Variants in PRDM9 observed in about 807,000 individuals in gnomAD.
The protein encoded by PRDM9 is histone-lysine N-methyltransferase PRDM9.
A neutral mutation model predicts 55.6 loss-of-function variants in PRDM9; 47 were observed. That is an observed-to-expected ratio of 0.85 (90% CI 0.67 to 1.08). The LOEUF (loss-of-function observed/expected upper bound fraction) is 1.08. Ranked by LOEUF, PRDM9 falls within the 50% of genes least tolerant of loss-of-function variation. The pLI, the probability that PRDM9 is intolerant of heterozygous loss-of-function variation, is 0.00. For missense variants in PRDM9, 867 were observed against 1,040.3 expected, an observed-to-expected ratio of 0.83 and a Z score of 2.29; for synonymous variants, 312 against 375.7, an observed-to-expected ratio of 0.83 and a Z score of 1.96.
chr5:23,525,458 T>C (rs1363197770), intron 10 of PRDM9, among the ~76,000 whole-genome samples: 4 of 152,178 alleles, frequency 2.6e-5, no homozygotes, highest in African/African-American at 9.7e-5. Flanking sequence ...AATGAATACT[T>C]GATGGGCAGC....
Position 23,521,086 on chromosome 5 carries a change from T to G in PRDM9, c.415T>G (p.Leu139Val). The stretch of plus-strand genomic sequence containing the variant: ...GAAAGAATTGTCAAGAACAGCAAAT[T>G]TACTGAATGCAAGTGGCTCAGAGCA... ...SLKELSRTAN[L>V]LNASGSEQAQ... Residue 139 changes from leucine (L) to valine (V), a missense_variant, in exon 6 of 11, where the codon TTA becomes GTA. By Grantham distance (32) the Leu-to-Val change is conservative. Coordinates refer to ENST00000296682, the MANE Select transcript of PRDM9 (RefSeq NM_020227.4). 1.9e-6 allele frequency: 3 copies of G among 1,614,154 alleles called. No individual in the cohort carries two copies. Among genetic ancestry groups the G allele is most frequent in the Non-Finnish European group, 2.5e-6 (3 of 1,180,024 alleles).
At chr5:23,516,215 GT>G (rs1273494887) in intron 4 of PRDM9, among the ~76,000 whole-genome samples, 3 of 152,018 alleles carry the variant, frequency 2.0e-5, no homozygotes, top group Non-Finnish European at 4.4e-5. Flanking sequence ...TAGTGTTCAA[GT>G]TTTTTGCCTC....
At position 23,509,076 on chromosome 5, in the gene PRDM9, A is replaced by G; in HGVS notation, c.43A>G (p.Thr15Ala). The G allele has an allele frequency of 6.2e-7, 1 of 1,614,122 alleles. No individual in the cohort carries two copies. Among genetic ancestry groups the G allele is most frequent in the Non-Finnish European group, 8.5e-7 (1 of 1,179,992 alleles). ...CCAAGAGGAGAGCCCAGAAGAAGAC[A>G]CAGAGAGAACAGAGCGGAAGCCCAT... ...KSQEESPEED[T>A]ERTERKPMVK... is the part of the protein sequence containing the mutation. The change falls in exon 2 of 11, where the codon ACA becomes GCA. Residue 15 changes from threonine (T) to alanine (A), a missense_variant. Thr to Ala is a moderately conservative substitution (Grantham distance 58). Transcript: ENST00000296682.
chr5:23,518,713 GATTTC>G lies in PRDM9; in HGVS notation c.351+785_351+789del, dbSNP rs1055391700. On this transcript the variant is annotated intron_variant, in intron 5 of 10. Transcript: ENST00000296682. ...AGTAAAAATATATTCTTCTGGAACT[GATTTC>G]AAATTCTCATTCCTACAGAAGGCAG... 3.3e-5 allele frequency among the ~76,000 whole-genome samples: 5 copies of G among 152,324 alleles called. No individual in the cohort carries two copies. In the East Asian group the frequency reaches 9.7e-4, roughly 29 times the overall value.
chr5:23,516,737 T>TA (rs1478189525), intron 4 of PRDM9, among the ~76,000 whole-genome samples: 17 of 148,434 alleles, frequency 1.1e-4, no homozygotes, highest in Non-Finnish European at 2.1e-4. Context: ...TTTTTTTTTT[T>TA]AAGATGGGGT....
intron 4 of PRDM9, among the ~76,000 whole-genome samples, chr5:23,512,232 G>A (rs1260131804): frequency 6.6e-6 from 1 of 152,228 alleles, no homozygotes; most frequent in Admixed American, 6.5e-5. Context: ...TGAGAGAGCT[G>A]TTTAGTTTCC....
At chr5:23,522,441 G>A in intron 7 of PRDM9, 36 bp downstream of exon 7, 1 of 1,592,680 alleles carries the variant, frequency 6.3e-7, no homozygotes, top group East Asian at 2.2e-5. Context: ...ACAGCTTGCT[G>A]TTATGTCCTG....
At chr5:23,524,687 C>A (rs1260027749) in intron 10 of PRDM9, among the ~76,000 whole-genome samples, 160 bp downstream of exon 10, 1 of 152,142 alleles carries the variant, frequency 6.6e-6, no homozygotes, top group African/African-American at 2.4e-5. Flanking sequence ...TATACCTTTG[C>A]CTCTTTGGAA....
In PRDM9 at chr5:23,522,858, G is replaced by T; in HGVS notation, c.855G>T (p.Glu285Asp). The change falls in exon 8 of 11, where the codon GAG (glutamate) becomes GAT (aspartate). Residue 285 changes from glutamate to aspartate, a missense_variant. Physicochemically the swap from Glu to Asp is conservative, Grantham distance 45. Coordinates refer to ENST00000296682, the MANE Select transcript of PRDM9 (RefSeq NM_020227.4). The stretch of plus-strand genomic sequence containing the variant: ...AGGGCCGAATTACAGAAGACGAAGA[G>T]GCAGCCAACAATGGATACTCCTGGC... Reference protein sequence around the residue: ...PYEGRITEDEEAANNGYSWLI... With the variant: ...PYEGRITEDEDAANNGYSWLI... 1 of 1,614,266 alleles carries T rather than the reference G, an allele frequency of 6.2e-7. No individual in the cohort carries two copies. Among genetic ancestry groups the T allele is most frequent in the Non-Finnish European group, 8.5e-7 (1 of 1,180,048 alleles).
Position 23,522,634 on chromosome 5 carries a change from T to G in PRDM9, c.631T>G (p.Phe211Val). Residue 211 changes from phenylalanine to valine, a missense_variant, in exon 8 of 11, where the codon TTC becomes GTC. Transcript: ENST00000296682. ...TCCAGATTGTGAGATGTGTCAGAACTTCTTCATTGACAGCTGTGCTGCCCA... is the reference window on the plus strand; with the variant it reads ...TCCAGATTGTGAGATGTGTCAGAACGTCTTCATTGACAGCTGTGCTGCCCA... ...DYLYCEMCQNFFIDSCAAHGP... is the reference protein window; with the variant it reads ...DYLYCEMCQNVFIDSCAAHGP... 6.2e-7 allele frequency: 1 copy of G among 1,614,250 alleles called. No homozygotes were observed. Among genetic ancestry groups the G allele is most frequent in the Non-Finnish European group, 8.5e-7 (1 of 1,180,044 alleles).
At chr5:23,509,689 A>G in intron 3 of PRDM9, 96 bp downstream of exon 3, 1 of 1,594,646 alleles carries the variant, frequency 6.3e-7, no homozygotes, top group Non-Finnish European at 8.6e-7. Flanking sequence ...GCATCTGCCC[A>G]CAATTCCCTT....
intron 9 of PRDM9, among the ~76,000 whole-genome samples, chr5:23,524,072 C>A (rs570198339): frequency 6.6e-6 from 1 of 152,192 alleles, no homozygotes; most frequent in South Asian, 2.1e-4. Flanking sequence ...GGAGGTAAGT[C>A]TGGAGTTGGG....
rs757338979 is a variant in PRDM9, at chr5:23,509,154, A to G, written c.69+52A>G. The G allele has an allele frequency of 1.9e-6, 3 of 1,604,214 alleles. No homozygotes were observed. The East Asian group carries it at 6.7e-5, about 36-fold the overall frequency. The stretch of plus-strand genomic sequence containing the variant: ...ACTCCTAGCAGGAGCTGATCTCTGG[A>G]GTGCTGCAGACTCCTGGCCTGTACC... On this transcript the variant is annotated intron_variant, in intron 2 of 10. Transcript: ENST00000296682.
chr5:23,512,615 T>C (rs963392821), intron 4 of PRDM9, among the ~76,000 whole-genome samples: 3 of 152,202 alleles, frequency 2.0e-5, no homozygotes, highest in Non-Finnish European at 4.4e-5. Context: ...TTTAAGTTAA[T>C]TTATTTTTTA....
Position 23,517,384 on chromosome 5 carries a change from A to G in PRDM9, c.302-497A>G, listed in dbSNP as rs896300466. On this transcript the variant is annotated intron_variant, in intron 4 of 10. Coordinates refer to ENST00000296682, the MANE Select transcript of PRDM9 (RefSeq NM_020227.4). Reference sequence around the variant, plus strand: ...CTTAAGAAAATTAGCAATGCCTTTAATAGAAACATAGGCCTTAATGATACT... The same window carrying G: ...CTTAAGAAAATTAGCAATGCCTTTAGTAGAAACATAGGCCTTAATGATACT... Among the ~76,000 whole-genome samples, 5 of 152,244 alleles carry G rather than the reference A, an allele frequency of 3.3e-5. 1 individual carries two copies. The highest frequency in any genetic ancestry group is 3.3e-4 in the Admixed American group (5 of 15,286).
Position 23,527,801 on chromosome 5 carries a change from T to C in PRDM9, c.*28T>C, listed in dbSNP as rs753462056. The C allele has an allele frequency of 6.2e-7, 1 of 1,613,662 alleles. No individual in the cohort carries two copies. The highest frequency in any genetic ancestry group is 2.2e-5 in the East Asian group (1 of 44,848). ...CATTAGTAATAAAACCTCATCTCAA[T>C]AGCCACAAAAAGACAAATGTGGTCA... On this transcript the variant is annotated 3_prime_UTR_variant, in exon 11 of 11. Transcript: ENST00000296682.
chr5:23,520,449 C>CAAG (rs1739308000), intron 5 of PRDM9, among the ~76,000 whole-genome samples: 1 of 149,146 alleles, frequency 6.7e-6, no homozygotes, highest in Non-Finnish European at 1.5e-5. Context: ...CACCCTTATT[C>CAAG]AAGCAGACAA....
rs771435165 is a variant in PRDM9, at chr5:23,509,452, A to G, written c.70-18A>G. On this transcript the variant is annotated intron_variant, in intron 2 of 10. Coordinates refer to ENST00000296682, the MANE Select transcript of PRDM9 (RefSeq NM_020227.4). ...TGTGTACTAGTAAATCACTGATGGA[A>G]TCTGTTACTTCCTCTAGGTCAAAGA... The G allele has an allele frequency of 3.7e-6, 6 of 1,614,142 alleles. No homozygotes were observed. Among genetic ancestry groups the G allele is most frequent in the Non-Finnish European group, 5.1e-6 (6 of 1,180,002 alleles).
At chr5:23,507,956 G>A (rs1045366830) in intron 1 of PRDM9, among the ~76,000 whole-genome samples, 3 of 151,858 alleles carry the variant, frequency 2.0e-5, no homozygotes, top group East Asian at 1.9e-4. Context: ...CTGAGAAGCC[G>A]CAATTCCCCT....
Sources: allele counts gnomAD v4.1 joint callset (sites outside exome capture counted in the v4.1 genomes callset), GRCh38; gene constraint gnomAD v4.1.1; transcripts MANE v1.5; gene names NCBI Gene and HGNC (gene_info 2026-07-23, HGNC 2026-07-21).